ARHGAP26: variants seen among roughly 807,000 people sequenced by gnomAD.
The protein encoded by ARHGAP26 is rho GTPase-activating protein 26.
ARHGAP26 carries 38 observed loss-of-function variants against 104.8 expected under a neutral mutation model. The observed-to-expected ratio is 0.36, with a 90% CI of 0.28 to 0.48. The LOEUF is 0.48. Ranked by LOEUF, ARHGAP26 falls within the 20% of genes least tolerant of loss-of-function variation. ARHGAP26 has a pLI of 0.99. For missense variants in ARHGAP26, 704 were observed against 947.9 expected, an observed-to-expected ratio of 0.74 and a Z score of 3.38; for synonymous variants, 341 against 340.0, an observed-to-expected ratio of 1.00 and a Z score of -0.03.
chr5:142,831,849 C>A (rs1399389939), intron 1 of ARHGAP26, among the ~76,000 whole-genome samples: 1 of 152,156 alleles, frequency 6.6e-6, no homozygotes, highest in African/African-American at 2.4e-5. Context: ...TTTGCTTTTT[C>A]CTTTCTCTCT....
At chr5:142,977,650 C>A (rs1309648674) in intron 11 of ARHGAP26, among the ~76,000 whole-genome samples, 1 of 152,202 alleles carries the variant, frequency 6.6e-6, no homozygotes, top group Non-Finnish European at 1.5e-5. Context: ...TCTTCCAAAG[C>A]AGCTGTCTCT....
At chr5:143,052,343 G>A (rs1785162492) in intron 14 of ARHGAP26, among the ~76,000 whole-genome samples, 2 of 152,074 alleles carry the variant, frequency 1.3e-5, no homozygotes, top group Non-Finnish European at 2.9e-5. Flanking sequence ...GGTGGCACAT[G>A]CCTGTAATCC....
intron 11 of ARHGAP26, among the ~76,000 whole-genome samples, chr5:143,002,493 G>A (rs992998362): frequency 6.6e-6 from 1 of 151,992 alleles, no homozygotes; most frequent in African/African-American, 2.4e-5. Context: ...CCATGAAAAC[G>A]GCATGCTGAC....
At chr5:143,148,438 T>G (rs898863594) in intron 20 of ARHGAP26, among the ~76,000 whole-genome samples, 3 of 152,210 alleles carry the variant, frequency 2.0e-5, no homozygotes, top group Non-Finnish European at 4.4e-5. Context: ...GGAGGAGAGA[T>G]GACTCCAAAT....
At chr5:142,927,330 C>CAA (rs35376912) in intron 10 of ARHGAP26, among the ~76,000 whole-genome samples, 2 of 134,516 alleles carry the variant, frequency 1.5e-5, no homozygotes, top group East Asian at 2.0e-4. Context: ...TATCTCTTTT[C>CAA]AAAAAAAAAA....
chr5:143,072,490 A>G (rs1788417736), intron 17 of ARHGAP26, among the ~76,000 whole-genome samples: 1 of 152,212 alleles, frequency 6.6e-6, no homozygotes, highest in Admixed American at 6.5e-5. Context: ...TAACCAAAAT[A>G]TGGTACCAAC....
At position 142,956,106 on chromosome 5, in the gene ARHGAP26, G is replaced by T. The variant is rs569729156; in HGVS notation, c.1107+23981G>T. 4.6e-5 allele frequency among the ~76,000 whole-genome samples: 7 copies of T among 152,318 alleles called. No individual in the cohort carries two copies. In the East Asian group the frequency reaches 1.3e-3, roughly 29 times the overall value. ...CATAATTGTGGGCCAAGGCATCCTTGTTTATCTATGTTTTCATTATCTGAG... is the reference window on the plus strand; with the variant it reads ...CATAATTGTGGGCCAAGGCATCCTTTTTTATCTATGTTTTCATTATCTGAG... On this transcript the variant is annotated intron_variant, in intron 11 of 22. Coordinates refer to ENST00000645722, the MANE Select transcript of ARHGAP26 (RefSeq NM_001135608.3).
intron 1 of ARHGAP26, among the ~76,000 whole-genome samples, chr5:142,801,477 C>A (rs538150526): frequency 3.3e-5 from 5 of 152,148 alleles, no homozygotes; most frequent in African/African-American, 1.2e-4. Context: ...GGGAAAGACA[C>A]TGGATGCCCC....
chr5:142,899,623 C>A (rs1247189190), intron 6 of ARHGAP26, among the ~76,000 whole-genome samples: 2 of 152,114 alleles, frequency 1.3e-5, no homozygotes, highest in Non-Finnish European at 2.9e-5. Flanking sequence ...ACAGCTCCCC[C>A]ATCTCTGGAG....
At chr5:143,085,866 C>T (rs941620908) in intron 17 of ARHGAP26, among the ~76,000 whole-genome samples, 1 of 152,178 alleles carries the variant, frequency 6.6e-6, no homozygotes, top group Non-Finnish European at 1.5e-5. Context: ...CTTGGTTGCT[C>T]AGATTGTCTT....
intron 1 of ARHGAP26, among the ~76,000 whole-genome samples, chr5:142,780,204 A>G (rs926364581): frequency 1.3e-5 from 2 of 152,302 alleles, no homozygotes; most frequent in African/African-American, 4.8e-5. Context: ...GTTAGATTGC[A>G]TTGTATTCTA....
chr5:142,869,162 T>C (rs1252582931), intron 1 of ARHGAP26, among the ~76,000 whole-genome samples: 1 of 152,066 alleles, frequency 6.6e-6, no homozygotes, highest in African/African-American at 2.4e-5. Flanking sequence ...ATGGCCTTTC[T>C]GAGCTGTAAT....
At chr5:143,061,249 G>A (rs897826030) in intron 17 of ARHGAP26, among the ~76,000 whole-genome samples, 1 of 152,170 alleles carries the variant, frequency 6.6e-6, no homozygotes, top group African/African-American at 2.4e-5. Context: ...CAGGACACGA[G>A]AAAAGTATCC....
At chr5:143,162,274 A>AACACAC (rs771590759) in intron 20 of ARHGAP26, among the ~76,000 whole-genome samples, 41 of 83,724 alleles carry the variant, frequency 4.9e-4, no homozygotes, top group South Asian at 2.5e-3. Context: ...TCTACTCCCA[A>AACACAC]ACACACACAT....
chr5:142,773,727 C>A (rs940165836), intron 1 of ARHGAP26, among the ~76,000 whole-genome samples: 5 of 152,184 alleles, frequency 3.3e-5, no homozygotes, highest in African/African-American at 1.2e-4. Flanking sequence ...CTGAATATGT[C>A]TTGGCTTTGT....
chr5:142,890,083 C>T (rs1391206714), intron 5 of ARHGAP26, among the ~76,000 whole-genome samples: 1 of 140,026 alleles, frequency 7.1e-6, no homozygotes, highest in Non-Finnish European at 1.5e-5. Flanking sequence ...TTGCGGTGAG[C>T]CGAATTCGCG....
intron 17 of ARHGAP26, among the ~76,000 whole-genome samples, chr5:143,083,737 G>C (rs915531499): frequency 6.6e-5 from 10 of 152,276 alleles, no homozygotes; most frequent in Non-Finnish European, 1.5e-4. Flanking sequence ...GAACTCAGGT[G>C]ATCCATCCAC....
At chr5:142,889,479 G>A (rs1020879674) in intron 5 of ARHGAP26, among the ~76,000 whole-genome samples, 1 of 152,136 alleles carries the variant, frequency 6.6e-6, no homozygotes, top group African/African-American at 2.4e-5. Flanking sequence ...TTAGCTAGAT[G>A]TGGTGGCACG....
intron 10 of ARHGAP26, among the ~76,000 whole-genome samples, chr5:142,926,519 T>A (rs1426364529): frequency 6.6e-6 from 1 of 152,226 alleles, no homozygotes; most frequent in Non-Finnish European, 1.5e-5. Context: ...GCAGATTTTT[T>A]AGAATTTGCC....
Sources: allele counts gnomAD v4.1 joint callset (sites outside exome capture counted in the v4.1 genomes callset), GRCh38; gene constraint gnomAD v4.1.1; transcripts MANE v1.5; gene names NCBI Gene and HGNC (gene_info 2026-07-23, HGNC 2026-07-21).